The following RHOBTB1 variants were observed in gnomAD, a reference collection of about 807,000 sequenced individuals.
RHOBTB1 encodes rho-related BTB domain-containing protein 1.
A neutral mutation model predicts 71.6 loss-of-function variants in RHOBTB1; 40 were observed. The observed-to-expected ratio is 0.56, with a 90% CI of 0.43 to 0.73. The LOEUF is 0.73. Ranked by LOEUF, RHOBTB1 falls within the 30% of genes least tolerant of loss-of-function variation. The pLI is 0.00. For missense variants in RHOBTB1, 797 were observed against 894.0 expected, an observed-to-expected ratio of 0.89 and a Z score of 1.38; for synonymous variants, 319 against 334.9, an observed-to-expected ratio of 0.95 and a Z score of 0.52.
downstream of RHOBTB1, among the ~76,000 whole-genome samples, chr10:60,865,370 T>C (rs985284289): frequency 6.6e-6 from 1 of 152,240 alleles, no homozygotes; most frequent in African/African-American, 2.4e-5. Context: ...ACAAATTAAA[T>C]TGTACATATT....
intron 2 of RHOBTB1, among the ~76,000 whole-genome samples, chr10:60,938,261 A>G (rs1233216922): frequency 1.3e-5 from 2 of 152,208 alleles, no homozygotes; most frequent in African/African-American, 4.8e-5. Flanking sequence ...TTTCAGATGT[A>G]TATCATACTT....
intron 4 of RHOBTB1, among the ~76,000 whole-genome samples, chr10:60,894,415 G>T (rs1172070167): frequency 6.6e-6 from 1 of 152,104 alleles, no homozygotes; most frequent in African/African-American, 2.4e-5. Context: ...AAGATTTTTG[G>T]ATGCTGGGAT....
At chr10:60,906,951 G>A (rs371869131) in intron 4 of RHOBTB1, among the ~76,000 whole-genome samples, 5 of 152,338 alleles carry the variant, frequency 3.3e-5, no homozygotes, top group African/African-American at 1.2e-4. Context: ...GGACCCAGTG[G>A]GAGGTAACTG....
intron 2 of RHOBTB1, among the ~76,000 whole-genome samples, chr10:60,951,877 T>C (rs2085421326): frequency 6.6e-6 from 1 of 151,802 alleles, no homozygotes; most frequent in South Asian, 2.1e-4. Context: ...GTCAACATGA[T>C]GAAACCCCGT....
chr10:60,943,320 C>T (rs2085020010), intron 1 of RHOBTB1, among the ~76,000 whole-genome samples: 1 of 152,226 alleles, frequency 6.6e-6, no homozygotes, highest in South Asian at 2.1e-4. Context: ...TAGTTGCCTT[C>T]CACTTCTTTT....
At chr10:60,898,221 C>T (rs765675866) in intron 4 of RHOBTB1, among the ~76,000 whole-genome samples, 3 of 152,070 alleles carry the variant, frequency 2.0e-5, no homozygotes, top group South Asian at 2.1e-4. Context: ...GTGCATGAGT[C>T]CCCCTCTGGC....
chr10:60,899,356 T>C (rs952692376), intron 4 of RHOBTB1, among the ~76,000 whole-genome samples: 3 of 152,224 alleles, frequency 2.0e-5, no homozygotes, highest in African/African-American at 7.2e-5. Flanking sequence ...ATATTCCTCT[T>C]TGGCATTCCC....
At chr10:60,882,664 T>C (rs546047182) in intron 7 of RHOBTB1, among the ~76,000 whole-genome samples, 56 of 152,148 alleles carry the variant, frequency 3.7e-4, no homozygotes, top group African/African-American at 1.3e-3. Context: ...TTTCTCAAGA[T>C]AATAGAAAGT....
At chr10:60,908,604 G>T (rs903911428) in intron 4 of RHOBTB1, among the ~76,000 whole-genome samples, 7 of 152,226 alleles carry the variant, frequency 4.6e-5, no homozygotes, top group Admixed American at 4.6e-4. Flanking sequence ...CTCAGAGCCG[G>T]GAAATGTACT....
intron 2 of RHOBTB1, among the ~76,000 whole-genome samples, chr10:60,924,121 T>C (rs2083725142): frequency 6.6e-6 from 1 of 152,154 alleles, no homozygotes; most frequent in African/African-American, 2.4e-5. Flanking sequence ...TTTTTTTCAG[T>C]AAAATGTTTA....
Position 60,878,117 on chromosome 10 carries a change from T to C in RHOBTB1, c.1576-59A>G, listed in dbSNP as rs2081132419. 4.4e-6 allele frequency: 6 copies of C among 1,378,542 alleles called. No individual in the cohort carries two copies. The African/African-American group carries it at 5.7e-5, about 13-fold the overall frequency. The allele number at this position is 1,378,542 out of a possible 1,614,324, so 85.4% of individuals were successfully genotyped here. A position where few individuals can be genotyped will look rare whatever the true frequency, so the allele number is the denominator to read the frequency against. On this transcript the variant is annotated intron_variant, in intron 7 of 10. Coordinates refer to ENST00000337910, the MANE Select transcript of RHOBTB1 (RefSeq NM_014836.5). Reference sequence around the variant, plus strand: ...CAGAAAGCAGGGAGTGGGCACATTTTCAGGCTATGCTGCTTATAAATATCC... The same window carrying C: ...CAGAAAGCAGGGAGTGGGCACATTTCCAGGCTATGCTGCTTATAAATATCC...
rs182527266 is a variant in RHOBTB1, at chr10:60,939,164, A to G, written c.-11+2640T>C. Among the ~76,000 whole-genome samples the G allele has an allele frequency of 1.4e-4, 22 of 152,292 alleles. No homozygotes were observed. The East Asian group carries it at 3.7e-3, about 25-fold the overall frequency. On this transcript the variant is annotated intron_variant, in intron 2 of 10. Transcript: ENST00000337910. The stretch of plus-strand genomic sequence containing the variant: ...AACTTGCTAATTCGTTCTTTAGTGG[A>G]TAAAGCCTGATCAGAGGCATGGTGA...
intron 2 of RHOBTB1, among the ~76,000 whole-genome samples, chr10:60,975,091 T>C (rs539976231): frequency 6.6e-5 from 10 of 152,152 alleles, no homozygotes; most frequent in African/African-American, 1.9e-4. Context: ...AATAAAAATA[T>C]GTCCATCAAG....
intron 2 of RHOBTB1, among the ~76,000 whole-genome samples, chr10:60,951,869 C>T (rs1297935549): frequency 3.9e-5 from 6 of 151,966 alleles, no homozygotes; most frequent in Non-Finnish European, 8.8e-5. Context: ...CCAGCCTGGT[C>T]AACATGATGA....
intron 1 of RHOBTB1, among the ~76,000 whole-genome samples, chr10:60,986,139 T>C (rs2086651664): frequency 6.6e-6 from 1 of 152,064 alleles, no homozygotes; most frequent in African/African-American, 2.4e-5. Flanking sequence ...CTACTGCCTT[T>C]GGAGACAGAA....
At chr10:60,866,769 C>T (rs1330265162), downstream of RHOBTB1, among the ~76,000 whole-genome samples, 2 of 152,028 alleles carry the variant, frequency 1.3e-5, no homozygotes, top group Admixed American at 6.6e-5. Flanking sequence ...ACCCACCTTT[C>T]CCTCCAGCCC....
chr10:60,938,144 A>G (rs1281633811), intron 2 of RHOBTB1, among the ~76,000 whole-genome samples: 1 of 152,216 alleles, frequency 6.6e-6, no homozygotes, highest in Non-Finnish European at 1.5e-5. Context: ...AGAGAAAAAG[A>G]CTATTTTATC....
intron 2 of RHOBTB1, among the ~76,000 whole-genome samples, chr10:60,938,648 C>G (rs988953133): frequency 3.3e-5 from 5 of 152,134 alleles, no homozygotes; most frequent in Admixed American, 1.3e-4. Flanking sequence ...AAAGTAGAAA[C>G]AAACCCAGAA....
At chr10:60,878,164 G>T in intron 7 of RHOBTB1, 106 bp from the exon 8 acceptor site, 2 of 820,686 alleles carry the variant, frequency 2.4e-6, no homozygotes, top group Non-Finnish European at 3.9e-6. Context: ...ATATTGGTGA[G>T]TGTTGGACAC....
Sources: allele counts gnomAD v4.1 joint callset (sites outside exome capture counted in the v4.1 genomes callset), GRCh38; gene constraint gnomAD v4.1.1; transcripts MANE v1.5; gene names NCBI Gene and HGNC (gene_info 2026-07-23, HGNC 2026-07-21).